WSCD2: variants seen among roughly 807,000 people sequenced by gnomAD.
WSCD2 encodes the protein WSC domain sialate O sulfotransferase 2, also known as sialate:O-sulfotransferase 2.
A neutral mutation model predicts 55.7 loss-of-function variants in WSCD2; 28 were observed. The ratio of observed to expected loss-of-function variants is 0.50; its 90% CI spans 0.37 to 0.69. WSCD2 has a LOEUF of 0.69. Among genes scored for constraint, WSCD2 ranks in the 30% least tolerant of loss-of-function variants. The probability of loss-of-function intolerance (pLI) is 0.00; values close to 1 mark genes in which losing one functional copy is unlikely to be tolerated. For missense variants in WSCD2, 616 were observed against 762.1 expected (o/e 0.81, Z 2.26); for synonymous variants, 301 against 301.9 (o/e 1.00, Z 0.03).
chr12:108,146,013 C>T (rs1877348476), intron 1 of WSCD2, among the ~76,000 whole-genome samples: 2 of 152,162 alleles, frequency 1.3e-5, no homozygotes, highest in Non-Finnish European at 2.9e-5. Context: ...AGGTAGTTAC[C>T]TCGACTGGAG....
intron 6 of WSCD2, among the ~76,000 whole-genome samples, chr12:108,229,110 C>T (rs1436980848): frequency 2.6e-5 from 4 of 152,150 alleles, no homozygotes; most frequent in Non-Finnish European, 4.4e-5. Flanking sequence ...CATTTTGCCA[C>T]GTCACTCTTG....
intron 1 of WSCD2, among the ~76,000 whole-genome samples, chr12:108,136,099 A>T (rs1876182699): frequency 6.6e-6 from 1 of 152,202 alleles, no homozygotes; most frequent in African/African-American, 2.4e-5. Flanking sequence ...TGGGGTTTGC[A>T]TTCATCCACA....
chr12:108,166,976 T>C (rs1255550420), intron 1 of WSCD2, among the ~76,000 whole-genome samples: 1 of 151,898 alleles, frequency 6.6e-6, no homozygotes, highest in Non-Finnish European at 1.5e-5. Flanking sequence ...CACACCCAGC[T>C]AATTTTTGTA....
chr12:108,240,407 G>A lies in WSCD2; in HGVS notation c.1208G>A (p.Ser403Asn), dbSNP rs371514918. 3 of 1,614,082 alleles carry A rather than the reference G, an allele frequency of 1.9e-6. No homozygotes were observed. The highest frequency in any genetic ancestry group is 1.3e-5 in the African/African-American group (1 of 74,946). Residue 403 changes from serine (S) to asparagine (N), a missense_variant, in exon 8 of 9, where the codon AGC becomes AAC. Transcript: ENST00000547525. ...ACCATCTGCATCAAGACGCACGAAA[G>A]CGGCCAGAAAGAGATCGAGGCCTTC... ...GRTICIKTHE[S>N]GQKEIEAFDA...
intron 1 of WSCD2, among the ~76,000 whole-genome samples, chr12:108,166,002 C>T (rs1027819990): frequency 6.6e-6 from 1 of 152,148 alleles, no homozygotes; most frequent in Non-Finnish European, 1.5e-5. Context: ...TTGATGTCAT[C>T]AGAGATATTG....
At chr12:108,181,440 T>C (rs1356798837) in intron 1 of WSCD2, among the ~76,000 whole-genome samples, 1 of 152,172 alleles carries the variant, frequency 6.6e-6, no homozygotes, top group Non-Finnish European at 1.5e-5. Flanking sequence ...TCTGTCCCTG[T>C]TCCACCTTAC....
At chr12:108,147,020 A>G (rs897399918) in intron 1 of WSCD2, among the ~76,000 whole-genome samples, 1 of 152,218 alleles carries the variant, frequency 6.6e-6, no homozygotes, top group Non-Finnish European at 1.5e-5. Context: ...GCTAAACATC[A>G]AGTATATAAT....
rs1345354502 is a variant in WSCD2 at position 108,247,854 on chromosome 12, G to T, written c.1346-137G>T. The T allele has an allele frequency of 3.0e-6, 3 of 1,015,400 alleles. No individual in the cohort carries two copies. The Admixed American group carries it at 7.8e-5, about 26-fold the overall frequency. 62.9% of individuals were successfully genotyped at this position (1,015,400 alleles called of 1,614,324 possible). On this transcript the variant is annotated intron_variant, in intron 8 of 8. Transcript: ENST00000547525. Reference sequence around the variant, plus strand: ...TTATAGGTGTGAGCCACCTCACCTGGCCTGTATTATTACAGTTAATTGTTA... The same window carrying T: ...TTATAGGTGTGAGCCACCTCACCTGTCCTGTATTATTACAGTTAATTGTTA...
chr12:108,201,667 G>C (rs1884699540), intron 2 of WSCD2, among the ~76,000 whole-genome samples: 1 of 152,128 alleles, frequency 6.6e-6, no homozygotes, highest in South Asian at 2.1e-4. Context: ...CCCAGATCTG[G>C]TTAGATCTGG....
intron 1 of WSCD2, among the ~76,000 whole-genome samples, chr12:108,184,733 A>T (rs912384884): frequency 7.9e-5 from 12 of 152,224 alleles, no homozygotes; most frequent in Non-Finnish European, 1.8e-4. Context: ...TATCATAATC[A>T]TAATCTTGGT....
chr12:108,173,825 T>TGTGC (rs1880513360), intron 1 of WSCD2, among the ~76,000 whole-genome samples: 8 of 150,502 alleles, frequency 5.3e-5, no homozygotes, highest in Admixed American at 4.0e-4. Flanking sequence ...TGTGTGTGTG[T>TGTGC]GTGTGTGTGT....
At chr12:108,209,851 C>A (rs1417491824) in intron 3 of WSCD2, among the ~76,000 whole-genome samples, 5 of 151,964 alleles carry the variant, frequency 3.3e-5, no homozygotes, top group Non-Finnish European at 7.4e-5. Flanking sequence ...CTGTGTGCTA[C>A]CTCCCTAATC....
chr12:108,145,532 C>T (rs752302881), intron 1 of WSCD2, among the ~76,000 whole-genome samples: 5 of 152,160 alleles, frequency 3.3e-5, no homozygotes, highest in Non-Finnish European at 4.4e-5. Context: ...GACCCTCATG[C>T]GCTGCTGGTG....
intron 1 of WSCD2, among the ~76,000 whole-genome samples, chr12:108,134,622 A>T (rs986842438): frequency 6.6e-6 from 1 of 152,140 alleles, no homozygotes; most frequent in Non-Finnish European, 1.5e-5. Context: ...GGTCATAGCT[A>T]ACTGATGCAG....
chr12:108,146,574 C>G (rs1413963013), intron 1 of WSCD2, among the ~76,000 whole-genome samples: 1 of 152,152 alleles, frequency 6.6e-6, no homozygotes, highest in Non-Finnish European at 1.5e-5. Context: ...TTTTGCAGGC[C>G]AGGGAGATAA....
intron 1 of WSCD2, among the ~76,000 whole-genome samples, chr12:108,162,407 A>C (rs1879168783): frequency 6.6e-6 from 1 of 151,964 alleles, no homozygotes; most frequent in Non-Finnish European, 1.5e-5. Context: ...CCCCCAACCC[A>C]TTTCACACTC....
intron 2 of WSCD2, among the ~76,000 whole-genome samples, chr12:108,203,442 T>C (rs1296502767): frequency 6.6e-6 from 1 of 152,128 alleles, no homozygotes; most frequent in Non-Finnish European, 1.5e-5. Context: ...CTTTACTCTA[T>C]CAGAATGCAA....
chr12:108,211,665 A>T (rs1041652507), intron 4 of WSCD2, among the ~76,000 whole-genome samples: 258 of 147,714 alleles, frequency 1.7e-3, no homozygotes, highest in East Asian at 3.7e-3. Context: ...ATATATATAT[A>T]TTTTTTGAGA....
intron 1 of WSCD2, among the ~76,000 whole-genome samples, chr12:108,140,684 A>G (rs1269426882): frequency 6.6e-6 from 1 of 151,972 alleles, no homozygotes; most frequent in Non-Finnish European, 1.5e-5. Flanking sequence ...CTCACCCCTC[A>G]TGATCCCCCA....
Sources: allele counts gnomAD v4.1 joint callset (sites outside exome capture counted in the v4.1 genomes callset), GRCh38; gene constraint gnomAD v4.1.1; transcripts MANE v1.5; gene names NCBI Gene and HGNC (gene_info 2026-07-23, HGNC 2026-07-21).